Variants in RSPRY1 observed in about 807,000 individuals in gnomAD.
RSPRY1 encodes the protein RING finger and SPRY domain-containing protein 1.
A neutral mutation model predicts 73.1 loss-of-function variants in RSPRY1; 23 were observed. The observed-to-expected ratio is 0.31, with a 90% CI of 0.23 to 0.45. The LOEUF (loss-of-function observed/expected upper bound fraction) is 0.45, where lower values mean the gene tolerates loss of function less well. Among genes scored for constraint, RSPRY1 ranks in the 20% least tolerant of loss-of-function variants. The pLI is 1.00. For missense variants in RSPRY1, 448 were observed against 698.7 expected (o/e 0.64, Z 4.05); for synonymous variants, 226 against 251.4 (o/e 0.90, Z 0.95).
intron 1 of RSPRY1, among the ~76,000 whole-genome samples, chr16:57,199,895 G>GTTTTTTTTTTCTTTTTTT (rs2074530206): frequency 9.4e-6 from 1 of 106,254 alleles, no homozygotes; most frequent in Non-Finnish European, 1.9e-5. Context: ...TTTTTTGTTT[G>GTTTTTTTTTTCTTTTTTT]TTTTTTTTTT....
chr16:57,197,398 T>A (rs1430643680), intron 1 of RSPRY1, among the ~76,000 whole-genome samples: 1 of 152,204 alleles, frequency 6.6e-6, no homozygotes, highest in Non-Finnish European at 1.5e-5. Context: ...AGCTCTTGAT[T>A]TTTCCTTGTA....
chr16:57,231,847 G>A (rs923877157), intron 13 of RSPRY1, among the ~76,000 whole-genome samples: 2 of 152,168 alleles, frequency 1.3e-5, no homozygotes, highest in Non-Finnish European at 2.9e-5. Flanking sequence ...ACAACCATCA[G>A]TGAATACCAT....
At chr16:57,226,142 A>C (rs1048961399) in intron 10 of RSPRY1, among the ~76,000 whole-genome samples, 13 of 152,236 alleles carry the variant, frequency 8.5e-5, no homozygotes, top group African/African-American at 2.7e-4. Flanking sequence ...TGATTTCAGA[A>C]TAGCTTTTAG....
intron 1 of RSPRY1, among the ~76,000 whole-genome samples, chr16:57,190,639 G>C (rs1238032812): frequency 6.6e-6 from 1 of 152,230 alleles, no homozygotes; most frequent in Non-Finnish European, 1.5e-5. Context: ...TAATCACGAA[G>C]TAGTAAATGC....
At chr16:57,189,768 T>G (rs1310720502) in intron 1 of RSPRY1, among the ~76,000 whole-genome samples, 2 of 151,370 alleles carry the variant, frequency 1.3e-5, no homozygotes, top group African/African-American at 4.9e-5. Context: ...ATTTTTGCAC[T>G]TTTTTTAAGA....
chr16:57,215,799 A>G (rs1192987172), intron 6 of RSPRY1, among the ~76,000 whole-genome samples: 2 of 152,236 alleles, frequency 1.3e-5, no homozygotes, highest in Non-Finnish European at 2.9e-5. Context: ...ATTTTATTTA[A>G]CAAAGCCCTA....
At chr16:57,220,997 G>A (rs1409061396) in intron 9 of RSPRY1, 150 bp downstream of exon 9, 1 of 673,574 alleles carries the variant, frequency 1.5e-6, no homozygotes, top group African/African-American at 1.8e-5. Flanking sequence ...TCAAAGAGCT[G>A]CTTATGAACA....
rs1392797763 is a variant in RSPRY1, at chr16:57,219,026, G to A, written c.902-1706G>A. On this transcript the variant is annotated intron_variant, in intron 8 of 14. Transcript: ENST00000394420. Reference sequence around the variant, plus strand: ...GCTGGGATTACAGGCGTGAGCCACCGCGCCCGGCCACATTTTCTTTATTCA... The same window carrying A: ...GCTGGGATTACAGGCGTGAGCCACCACGCCCGGCCACATTTTCTTTATTCA... 8.9e-5 allele frequency among the ~76,000 whole-genome samples: 11 copies of A among 122,910 alleles called. 3 individuals are homozygous for A. Among genetic ancestry groups the A allele is most frequent in the African/African-American group, 2.3e-4 (7 of 30,070 alleles). The allele number at this position is 122,910 out of a possible 152,430, so 80.6% of individuals were successfully genotyped here. A position where few individuals can be genotyped will look rare whatever the true frequency, so the allele number is the denominator to read the frequency against.
chr16:57,214,844 C>T (rs970678822), intron 6 of RSPRY1, among the ~76,000 whole-genome samples: 1 of 152,202 alleles, frequency 6.6e-6, no homozygotes, highest in Non-Finnish European at 1.5e-5. Context: ...GCCTGGCCAA[C>T]ATGGCGAAAC....
Position 57,204,913 on chromosome 16 carries a change from G to A in RSPRY1, c.255G>A (p.Arg85=). ...SQPRDPVRPP[R]RGRGPHEPRR... ...CACGGGACCCTGTTCGGCCACCAAG[G>A]AGGGGCCGAGGACCTCATGAGCCAA... The change falls in exon 2 of 15, where the codon AGG becomes AGA. Residue 85 remains arginine, a synonymous_variant. Transcript: ENST00000394420. 1 of 1,614,212 alleles carries A rather than the reference G, an allele frequency of 6.2e-7. No individual in the cohort carries two copies. The highest frequency in any genetic ancestry group is 8.5e-7 in the Non-Finnish European group (1 of 1,180,040).
rs543943782 is a variant in RSPRY1, at chr16:57,204,745, C to T, written c.87C>T (p.His29=). Residue 29 remains histidine, a synonymous_variant, in exon 2 of 15, where the codon CAC becomes CAT. Transcript: ENST00000394420. Reference sequence around the variant, plus strand: ...TGACTCTCGAAGAGCACATAGCCCACTTCCTAGGGACTGGAGGTGCCGCTA... The same window carrying T: ...TGACTCTCGAAGAGCACATAGCCCATTTCCTAGGGACTGGAGGTGCCGCTA... ...LLLTLEEHIA[H]FLGTGGAATT... is the part of the protein sequence containing the mutation. The T allele has an allele frequency of 2.5e-6, 4 of 1,614,212 alleles. No homozygotes were observed. Among genetic ancestry groups the T allele is most frequent in the Middle Eastern group, 3.3e-4 (2 of 6,062 alleles).
At chr16:57,206,109 G>T (rs1305425206) in intron 2 of RSPRY1, among the ~76,000 whole-genome samples, 5 of 152,108 alleles carry the variant, frequency 3.3e-5, no homozygotes, top group African/African-American at 9.7e-5. Flanking sequence ...TCTTCGAGAA[G>T]AATAATTTTT....
In RSPRY1 at chr16:57,221,342, A is replaced by G. The variant is rs771924373; in HGVS notation, c.1088A>G (p.Tyr363Cys). The G allele has an allele frequency of 6.2e-7, 1 of 1,613,942 alleles. No homozygotes were observed. The highest frequency in any genetic ancestry group is 8.5e-7 in the Non-Finnish European group (1 of 1,180,000). ...TFCVDAGVWY[Y>C]EVTVVTSGVM... Reference sequence around the variant, plus strand: ...TGTGTGGATGCCGGGGTATGGTACTATGAAGTAACAGTGGTCACTTCTGGC... The same window carrying G: ...TGTGTGGATGCCGGGGTATGGTACTGTGAAGTAACAGTGGTCACTTCTGGC... The change falls in exon 10 of 15, where the codon TAT becomes TGT. Residue 363 changes from tyrosine (Y) to cysteine (C), a missense_variant. Tyr to Cys is a radical substitution (Grantham distance 194). Transcript: ENST00000394420.
chr16:57,201,327 G>A (rs1271015148), intron 1 of RSPRY1, among the ~76,000 whole-genome samples: 12 of 145,226 alleles, frequency 8.3e-5, no homozygotes, highest in East Asian at 1.9e-4. Context: ...CAGACGGGGC[G>A]GCCGGGCAGA....
intron 12 of RSPRY1, 37 bp downstream of exon 12, chr16:57,230,850 G>A (rs999282524): frequency 6.3e-5 from 73 of 1,160,706 alleles, no homozygotes; most frequent in Non-Finnish European, 9.2e-5. Flanking sequence ...TCGAGTAGAT[G>A]CACGGAATGC....
chr16:57,230,626 G>C (rs1203399167), intron 11 of RSPRY1, 85 bp from the exon 12 acceptor site: 1 of 743,440 alleles, frequency 1.3e-6, no homozygotes, highest in Non-Finnish European at 2.3e-6. Context: ...ACTTAATACA[G>C]TGCCATTGAA....
intron 14 of RSPRY1, among the ~76,000 whole-genome samples, chr16:57,238,003 A>G (rs1464766561): frequency 6.6e-6 from 1 of 152,238 alleles, no homozygotes; most frequent in African/African-American, 2.4e-5. Context: ...ACTATGACTT[A>G]CAAAATACAC....
chr16:57,226,493 A>G (rs1406788166), intron 10 of RSPRY1, among the ~76,000 whole-genome samples: 1 of 152,244 alleles, frequency 6.6e-6, no homozygotes, highest in Non-Finnish European at 1.5e-5. Context: ...TTTCTGGGAA[A>G]GGGACAGGCA....
chr16:57,206,160 T>C (rs184168169), intron 2 of RSPRY1, among the ~76,000 whole-genome samples: 48 of 152,256 alleles, frequency 3.2e-4, no homozygotes, highest in African/African-American at 9.1e-4. Context: ...TCCAACACTT[T>C]TGAGAGGCTG....
Sources: allele counts gnomAD v4.1 joint callset (sites outside exome capture counted in the v4.1 genomes callset), GRCh38; gene constraint gnomAD v4.1.1; transcripts MANE v1.5; gene names NCBI Gene and HGNC (gene_info 2026-07-23, HGNC 2026-07-21).